ECSCR: variants seen among roughly 807,000 people sequenced by gnomAD.
The protein encoded by ECSCR is endothelial cell-specific chemotaxis regulator.
In ECSCR, 12 loss-of-function variants were observed where a neutral mutation model predicts 16.7. That is an observed-to-expected ratio of 0.72 (90% CI 0.46 to 1.17). ECSCR has a LOEUF of 1.17. ECSCR is among the 50% of genes most tolerant of loss of function. The pLI, the probability that ECSCR is intolerant of heterozygous loss-of-function variation, is 0.00. For synonymous variants in ECSCR, 44 were observed against 42.2 expected (o/e 1.04, Z -0.17); for missense variants, 122 against 116.1 (o/e 1.05, Z -0.23).
chr5:139,457,717 TG>T (rs1212958033), intron 3 of ECSCR, 39 bp downstream of exon 3: 1 of 1,611,894 alleles, frequency 6.2e-7, no homozygotes. Context: ...TGAATGGGTG[TG>T]GGGCAGGAGC....
chr5:139,456,887 C>T (rs1329757601), intron 4 of ECSCR, among the ~76,000 whole-genome samples: 1 of 152,182 alleles, frequency 6.6e-6, no homozygotes, highest in African/African-American at 2.4e-5. Context: ...TTCACCGCTG[C>T]CCCCCGCCCT....
chr5:139,456,720 C>A (rs1263665739), intron 4 of ECSCR, among the ~76,000 whole-genome samples: 1 of 152,208 alleles, frequency 6.6e-6, no homozygotes, highest in Non-Finnish European at 1.5e-5. Context: ...CAAGTCTAAG[C>A]TCCTGTTACC....
Position 139,448,846 on chromosome 5 carries a change from G to A in ECSCR, c.*54C>T. On this transcript the variant is annotated 3_prime_UTR_variant, in exon 10 of 10. Coordinates refer to ENST00000618155, the MANE Select transcript of ECSCR (RefSeq NM_001077693.4). ...CTACTAATTCCATCTCTTCCTCCTT[G>A]TAGTCACAGGGCAGCTGCATCATCC... 5.9e-6 allele frequency: 9 copies of A among 1,534,610 alleles called. No individual in the cohort carries two copies. Among genetic ancestry groups the A allele is most frequent in the Non-Finnish European group, 7.9e-6 (9 of 1,146,232 alleles).
chr5:139,449,635 G>A (rs896501586), intron 8 of ECSCR, among the ~76,000 whole-genome samples: 1 of 152,038 alleles, frequency 6.6e-6, no homozygotes, highest in Non-Finnish European at 1.5e-5. Flanking sequence ...CACTGCACCT[G>A]GCCAAGACTT....
At chr5:139,462,457 C>T (rs1281254828) in intron 1 of ECSCR, 153 bp downstream of exon 1, 1 of 253,116 alleles carries the variant, frequency 4.0e-6, no homozygotes, top group African/African-American at 2.3e-5. Flanking sequence ...ATCAGGACCC[C>T]CCAATCCAAC....
In ECSCR at chr5:139,457,640, G is replaced by A. The variant is rs1303176977; in HGVS notation, c.158-36C>T. The A allele has an allele frequency of 3.6e-6, 4 of 1,109,290 alleles. No homozygotes were observed. In the South Asian group the frequency reaches 4.9e-5, roughly 14 times the overall value. The allele number at this position is 1,109,290 out of a possible 1,614,324, so 68.7% of individuals were successfully genotyped here. A position where few individuals can be genotyped will look rare whatever the true frequency, so the allele number is the denominator to read the frequency against. On this transcript the variant is annotated intron_variant, in intron 3 of 9. Transcript: ENST00000618155. ...AGAGGCAGATAGGGAGTGGGAGGTGGGGTAGGTTTGGTGACACCACACTCC... is the reference window on the plus strand; with the variant it reads ...AGAGGCAGATAGGGAGTGGGAGGTGAGGTAGGTTTGGTGACACCACACTCC...
intron 4 of ECSCR, among the ~76,000 whole-genome samples, chr5:139,457,010 C>T (rs1018832492): frequency 1.3e-5 from 2 of 152,256 alleles, no homozygotes; most frequent in Non-Finnish European, 2.9e-5. Flanking sequence ...GGTTTACTGG[C>T]TGCCATGGGG....
In ECSCR at chr5:139,448,847, T is replaced by C. The variant is rs1561473888; in HGVS notation, c.*53A>G. 1.3e-6 allele frequency: 2 copies of C among 1,534,724 alleles called. No homozygotes were observed. Among genetic ancestry groups the C allele is most frequent in the Non-Finnish European group, 1.7e-6 (2 of 1,146,234 alleles). ...TACTAATTCCATCTCTTCCTCCTTG[T>C]AGTCACAGGGCAGCTGCATCATCCT... On this transcript the variant is annotated 3_prime_UTR_variant, in exon 10 of 10. Coordinates refer to ENST00000618155, the MANE Select transcript of ECSCR (RefSeq NM_001077693.4).
intron 6 of ECSCR, 114 bp downstream of exon 6, chr5:139,455,209 A>G (rs1362099699): frequency 5.0e-6 from 2 of 396,426 alleles, no homozygotes; most frequent in Non-Finnish European, 8.9e-6. Context: ...CTTATCAGCC[A>G]GAACCTCCTG....
intron 1 of ECSCR, 62 bp from the exon 2 acceptor site, chr5:139,458,245 G>A (rs1232826044): frequency 1.6e-5 from 24 of 1,496,946 alleles, no homozygotes; most frequent in Non-Finnish European, 2.1e-5. Flanking sequence ...AGCCTAGAAA[G>A]GAACCCTTAG....
At chr5:139,451,343 T>C (rs1751040517) in intron 8 of ECSCR, among the ~76,000 whole-genome samples, 1 of 149,786 alleles carries the variant, frequency 6.7e-6, no homozygotes, top group Non-Finnish European at 1.5e-5. Context: ...ATGTTGTGTG[T>C]ATGTATAATA....
chr5:139,457,989 A>T, intron 2 of ECSCR, 150 bp downstream of exon 2: 4 of 1,148,722 alleles, frequency 3.5e-6, no homozygotes, highest in Middle Eastern at 2.0e-4. Flanking sequence ...AAATCCTTAG[A>T]TGAGCTCAGC....
intron 8 of ECSCR, among the ~76,000 whole-genome samples, chr5:139,453,759 TTGTGGTGTGTGTG>T (rs1315053504): frequency 1.4e-3 from 194 of 141,222 alleles, no homozygotes; most frequent in Non-Finnish European, 2.6e-3. Flanking sequence ...TGTGGTGTGT[TTGTGGTGTGTGTG>T]TGTGGTGTGT....
intron 8 of ECSCR, 110 bp from the exon 9 acceptor site, chr5:139,449,284 T>G (rs751141700): frequency 6.0e-5 from 46 of 764,730 alleles, no homozygotes; most frequent in Non-Finnish European, 9.3e-5. Context: ...AAAATCTATA[T>G]TTTGGTGGTG....
chr5:139,459,279 G>A (rs1751240644), intron 1 of ECSCR, among the ~76,000 whole-genome samples: 1 of 152,170 alleles, frequency 6.6e-6, no homozygotes, highest in African/African-American at 2.4e-5. Flanking sequence ...GGGGATTAGG[G>A]CTTGTATCTT....
chr5:139,459,334 T>C (rs990100529), intron 1 of ECSCR, among the ~76,000 whole-genome samples: 2 of 152,026 alleles, frequency 1.3e-5, no homozygotes, highest in African/African-American at 4.8e-5. Context: ...CTGAGGTATA[T>C]ATAGGAGGCA....
intron 8 of ECSCR, among the ~76,000 whole-genome samples, chr5:139,454,113 A>AAGG (rs1751103792): frequency 1.2e-5 from 1 of 82,784 alleles, no homozygotes; most frequent in Admixed American, 1.2e-4. Flanking sequence ...GTGATGTGTG[A>AAGG]TGTGTGGGGT....
intron 8 of ECSCR, among the ~76,000 whole-genome samples, chr5:139,451,576 GGT>G (rs1159796272): frequency 2.7e-5 from 4 of 147,690 alleles, no homozygotes; most frequent in African/African-American, 1.0e-4. Context: ...TGTGTGGTGT[GGT>G]GTGTGTGTGG....
intron 2 of ECSCR, 147 bp from the exon 3 acceptor site, chr5:139,457,954 C>T: frequency 1.7e-6 from 2 of 1,168,020 alleles, no homozygotes; most frequent in South Asian, 1.3e-5. Context: ...TTTCAAGGTA[C>T]ATTAGACTCA....
Sources: gnomAD v4.1 joint callset for allele counts (sites outside exome capture counted in the v4.1 genomes callset) on GRCh38, gnomAD v4.1.1 for gene constraint, MANE v1.5 for transcripts, NCBI Gene and HGNC (gene_info 2026-07-23, HGNC 2026-07-21) for gene names.